Variants in DLG2 observed in about 807,000 individuals in gnomAD.
The protein encoded by DLG2 is discs large MAGUK scaffold protein 2.
A neutral mutation model predicts 132.5 loss-of-function variants in DLG2; 45 were observed. That is an observed-to-expected ratio of 0.34 (90% CI 0.27 to 0.44). The LOEUF (loss-of-function observed/expected upper bound fraction) is 0.44, where lower values mean the gene tolerates loss of function less well. Among genes scored for constraint, DLG2 ranks in the 20% least tolerant of loss-of-function variants. DLG2 has a pLI of 1.00. For synonymous variants in DLG2, 424 were observed against 419.6 expected, an observed-to-expected ratio of 1.01 and a Z score of -0.13; for missense variants, 1,045 against 1,196.9, an observed-to-expected ratio of 0.87 and a Z score of 1.87.
chr11:84,507,350 A>G (rs1253645809), intron 7 of DLG2, among the ~76,000 whole-genome samples: 6 of 152,228 alleles, frequency 3.9e-5, no homozygotes, highest in Non-Finnish European at 8.8e-5. Context: ...TAGCTAACTA[A>G]TATTTGTGGG....
chr11:83,778,708 T>C (rs1189224806), intron 18 of DLG2, among the ~76,000 whole-genome samples: 1 of 152,104 alleles, frequency 6.6e-6, no homozygotes, highest in Non-Finnish European at 1.5e-5. Flanking sequence ...GTCCTTATTA[T>C]ATTACTCGAG....
intron 7 of DLG2, among the ~76,000 whole-genome samples, chr11:84,413,561 AT>A (rs1356561286): frequency 6.6e-6 from 1 of 152,166 alleles, no homozygotes; most frequent in African/African-American, 2.4e-5. Context: ...CACATGAAGC[AT>A]TCATGGGAAT....
chr11:83,684,244 C>T (rs1477452459), intron 18 of DLG2, among the ~76,000 whole-genome samples: 3 of 151,998 alleles, frequency 2.0e-5, no homozygotes, highest in South Asian at 4.1e-4. Flanking sequence ...GAGCTCCTCC[C>T]GATCAGAAAC....
At chr11:84,955,828 G>A (rs1024957586) in intron 6 of DLG2, 2 of 152,168 alleles carry the variant, frequency 1.3e-5, no homozygotes, top group Non-Finnish European at 2.9e-5. Context: ...TACTGATGAG[G>A]AAATAACTTA....
intron 7 of DLG2, among the ~76,000 whole-genome samples, chr11:84,384,095 CT>C (rs200117797): frequency 0.026 from 3,199 of 121,866 alleles, 84 homozygotes; most frequent in South Asian, 0.14. Context: ...CTCGATGACG[CT>C]TTTTTTTTTT....
At chr11:85,393,293 G>A (rs986478752) in intron 3 of DLG2, among the ~76,000 whole-genome samples, 6 of 152,136 alleles carry the variant, frequency 3.9e-5, no homozygotes, top group African/African-American at 1.4e-4. Flanking sequence ...ACTCCTTCAA[G>A]AATGGTCATA....
chr11:85,528,556 C>G (rs555419114), intron 3 of DLG2, among the ~76,000 whole-genome samples: 6 of 152,172 alleles, frequency 3.9e-5, no homozygotes, highest in Non-Finnish European at 1.5e-5. Flanking sequence ...ACTGGTACAA[C>G]ACTTTGGAAA....
chr11:85,325,046 A>C (rs1482709167), intron 3 of DLG2, among the ~76,000 whole-genome samples: 3 of 141,186 alleles, frequency 2.1e-5, no homozygotes, highest in Non-Finnish European at 4.6e-5. Context: ...TCCCACCCGA[A>C]TATTGCGCTT....
chr11:85,292,404 G>C (rs2078949818), intron 3 of DLG2, among the ~76,000 whole-genome samples: 1 of 151,732 alleles, frequency 6.6e-6, no homozygotes, highest in African/African-American at 2.4e-5. Flanking sequence ...AAATTTCACA[G>C]CCTAGACCCA....
intron 3 of DLG2, among the ~76,000 whole-genome samples, chr11:85,442,523 G>A (rs2091832189): frequency 6.6e-6 from 1 of 152,072 alleles, no homozygotes; most frequent in African/African-American, 2.4e-5. Context: ...CCATTACCAG[G>A]GATGAGAAAG....
intron 18 of DLG2, among the ~76,000 whole-genome samples, chr11:83,749,891 G>A (rs931012137): frequency 2.6e-5 from 4 of 152,212 alleles, no homozygotes; most frequent in Middle Eastern, 3.4e-3. Context: ...TAAGTGAAGC[G>A]TTTTCTCTGC....
intron 8 of DLG2, among the ~76,000 whole-genome samples, chr11:84,234,319 C>T (rs1397557391): frequency 2.0e-5 from 3 of 152,200 alleles, no homozygotes; most frequent in Admixed American, 6.5e-5. Flanking sequence ...AACTTTCACT[C>T]CTGCTGTAAA....
intron 3 of DLG2, among the ~76,000 whole-genome samples, chr11:85,461,152 C>T (rs1389248667): frequency 1.3e-5 from 2 of 152,192 alleles, no homozygotes; most frequent in Non-Finnish European, 2.9e-5. Context: ...TCCAGCATAT[C>T]AAGATAAACA....
At chr11:85,093,073 C>T (rs1229583178) in intron 6 of DLG2, among the ~76,000 whole-genome samples, 3 of 152,156 alleles carry the variant, frequency 2.0e-5, no homozygotes, top group African/African-American at 4.8e-5. Context: ...CATTGATTTT[C>T]GACTGTGGGG....
intron 6 of DLG2, among the ~76,000 whole-genome samples, chr11:84,694,213 T>C (rs1452123516): frequency 6.6e-6 from 1 of 151,612 alleles, no homozygotes; most frequent in African/African-American, 2.4e-5. Context: ...TCAGCCATTG[T>C]GTCTTCTCAT....
intron 4 of DLG2, among the ~76,000 whole-genome samples, chr11:85,161,998 G>A (rs749124034): frequency 1.6e-4 from 25 of 152,206 alleles, no homozygotes; most frequent in Non-Finnish European, 2.8e-4. Context: ...GCAACATTAC[G>A]TTCTGCTGGC....
At chr11:84,681,291 T>C (rs2099729275) in intron 6 of DLG2, among the ~76,000 whole-genome samples, 1 of 152,192 alleles carries the variant, frequency 6.6e-6, no homozygotes, top group Admixed American at 6.5e-5. Context: ...TATGTGCCCA[T>C]CTCTGTGCTA....
chr11:83,870,860 T>C (rs2154063558), intron 16 of DLG2, among the ~76,000 whole-genome samples: 1 of 152,296 alleles, frequency 6.6e-6, no homozygotes, highest in East Asian at 1.9e-4. Context: ...CACATAGTGC[T>C]ACTGCACTGT....
At chr11:83,554,551 A>G (rs762235105) in intron 19 of DLG2, among the ~76,000 whole-genome samples, 1 of 152,206 alleles carries the variant, frequency 6.6e-6, no homozygotes, top group Non-Finnish European at 1.5e-5. Flanking sequence ...CTATGTTTCA[A>G]CTCAACTTTT....
Sources: gnomAD v4.1 joint callset for allele counts (sites outside exome capture counted in the v4.1 genomes callset) on GRCh38, gnomAD v4.1.1 for gene constraint, MANE v1.5 for transcripts, NCBI Gene and HGNC (gene_info 2026-07-23, HGNC 2026-07-21) for gene names.